ARHGDIB: variants seen among roughly 807,000 people sequenced by gnomAD.
The protein encoded by ARHGDIB is Rho GDP dissociation inhibitor beta, also known as rho GDP-dissociation inhibitor 2.
Under a neutral mutation model 22.6 loss-of-function variants are expected in ARHGDIB, and 20 were observed. That is an observed-to-expected ratio of 0.88 (90% confidence interval 0.62 to 1.28). The LOEUF is 1.28. Among genes scored for constraint, ARHGDIB ranks in the 50% most tolerant of loss-of-function variants. The pLI, the probability that ARHGDIB is intolerant of heterozygous loss-of-function variation, is 0.00. For synonymous variants in ARHGDIB, 114 were observed against 96.1 expected, an observed-to-expected ratio of 1.19 and a Z score of -1.09; for missense variants, 254 against 245.4, an observed-to-expected ratio of 1.04 and a Z score of -0.23.
At chr12:14,953,953 CT>C (rs1457437046) in intron 1 of ARHGDIB, among the ~76,000 whole-genome samples, 2,223 of 147,490 alleles carry the variant, frequency 0.015, 48 homozygotes, top group African/African-American at 0.051. Context: ...TTCCTTTCTT[CT>C]TTCCTTCCTT....
At position 14,944,740 on chromosome 12, in the gene ARHGDIB, C is replaced by A. The variant is rs770615788; in HGVS notation, c.406+36G>T. 6.3e-6 allele frequency: 10 copies of A among 1,584,890 alleles called. No individual in the cohort carries two copies. In the South Asian group the frequency reaches 1.1e-4, roughly 18 times the overall value. On this transcript the variant is annotated intron_variant, in intron 5 of 5. Transcript: ENST00000228945. ...CAGAAGTTAAAGTATCAATGAGAAG[C>A]AGTTTGGGACAGTGTGGAAATGTGG...
intron 1 of ARHGDIB, among the ~76,000 whole-genome samples, chr12:14,957,856 A>AGAGAAAGAG (rs72438024): frequency 0.25 from 37,516 of 151,458 alleles, 4,594 homozygotes; most frequent in African/African-American, 0.27. Context: ...AAAGAGGGAG[A>AGAGAAAGAG]GAGAAAGAGG....
chr12:14,947,990 G>C lies in ARHGDIB; in HGVS notation c.266-41C>G, dbSNP rs187079883. 40 of 1,525,632 alleles carry C rather than the reference G, an allele frequency of 2.6e-5. No individual in the cohort carries two copies. The Admixed American group carries it at 6.6e-4, about 25-fold the overall frequency. The allele number at this position is 1,525,632 out of a possible 1,614,324, so 94.5% of individuals were successfully genotyped here. On this transcript the variant is annotated intron_variant, in intron 3 of 5. Transcript: ENST00000228945. ...TAGAGAGAGTTTATCCTCAAAAGCA[G>C]ATACACAAGTTAATAAATGACTTTT...
chr12:14,952,760 T>C (rs546646271), intron 1 of ARHGDIB, among the ~76,000 whole-genome samples: 1 of 152,258 alleles, frequency 6.6e-6, no homozygotes, highest in Admixed American at 6.5e-5. Flanking sequence ...TGACCGAGCA[T>C]CGGAACAACG....
chr12:14,949,746 A>C (rs1315391962), intron 3 of ARHGDIB, 56 bp downstream of exon 3: 5 of 1,545,634 alleles, frequency 3.2e-6, no homozygotes, highest in African/African-American at 1.4e-5. Flanking sequence ...ACAGAGACCA[A>C]GTTTTCTTTG....
At chr12:14,942,018 CA>C (rs1443676426), downstream of ARHGDIB, 1 of 157,928 alleles carries the variant, frequency 6.3e-6, no homozygotes, top group Admixed American at 6.1e-5. Context: ...ATGAAGGTCT[CA>C]GCCAGAACAC....
In ARHGDIB at chr12:14,949,844, C is replaced by T; in HGVS notation, c.223G>A (p.Val75Ile). ...PNVVVTRLTLVCESAPGPITM... is the reference protein window; with the variant it reads ...PNVVVTRLTLICESAPGPITM... ...ATTGGTCCCGGGGCACTCTCACAAACCAGGGTGAGCCGGGTGACAACGACA... is the reference window on the plus strand; with the variant it reads ...ATTGGTCCCGGGGCACTCTCACAAATCAGGGTGAGCCGGGTGACAACGACA... The change falls in exon 3 of 6, where the codon GTT (valine) becomes ATT (isoleucine). Residue 75 changes from valine to isoleucine, a missense_variant. Physicochemically the swap from Val to Ile is conservative, Grantham distance 29 (BLOSUM62 3). Transcript: ENST00000228945. 1 of 1,613,752 alleles carries T rather than the reference C, an allele frequency of 6.2e-7. No homozygotes were observed.
chr12:14,957,819 C>T (rs570385990), intron 1 of ARHGDIB, among the ~76,000 whole-genome samples: 2 of 141,274 alleles, frequency 1.4e-5, no homozygotes, highest in South Asian at 2.2e-4. Context: ...GAAGAGATAG[C>T]GATGAGAGAG....
chr12:14,951,722 C>G (rs1385247893), intron 1 of ARHGDIB, among the ~76,000 whole-genome samples: 1 of 97,398 alleles, frequency 1.0e-5, no homozygotes, highest in Non-Finnish European at 2.5e-5. Context: ...GAAATCTAGG[C>G]AAGTTATTTA....
intron 2 of ARHGDIB, 118 bp downstream of exon 2, chr12:14,950,414 G>C (rs771299953): frequency 2.4e-6 from 2 of 833,492 alleles, no homozygotes; most frequent in Admixed American, 2.5e-5. Flanking sequence ...ATTGTGCCTC[G>C]CTCACTTTTT....
intron 1 of ARHGDIB, among the ~76,000 whole-genome samples, chr12:14,952,868 C>G (rs1864212033): frequency 6.6e-6 from 1 of 152,204 alleles, no homozygotes; most frequent in African/African-American, 2.4e-5. Flanking sequence ...ACCTGGCCAT[C>G]AGATGGTAAC....
chr12:14,954,169 G>C (rs187459513), intron 1 of ARHGDIB, among the ~76,000 whole-genome samples: 138 of 152,218 alleles, frequency 9.1e-4, no homozygotes, highest in African/African-American at 3.3e-3. Flanking sequence ...GGTTGAGATA[G>C]GGTTTCCCCA....
rs1445607970 is a variant in ARHGDIB, at chr12:14,942,544, A to T, written c.584T>A (p.Ile195Asn). The change falls in exon 6 of 6, where the codon ATT becomes AAT. Residue 195 changes from isoleucine to asparagine, a missense_variant. Coordinates refer to ENST00000228945, the MANE Select transcript of ARHGDIB (RefSeq NM_001175.7). Reference sequence around the variant, plus strand: ...CATTCATTCTGTCCACTCCTTCTTAATCGACAGGTTCCACTCCCAGCTGAG... The same window carrying T: ...CATTCATTCTGTCCACTCCTTCTTATTCGACAGGTTCCACTCCCAGCTGAG... ...DHLSWEWNLS[I>N]KKEWTE The T allele has an allele frequency of 2.4e-5, 38 of 1,614,090 alleles. No individual in the cohort carries two copies. Among genetic ancestry groups the T allele is most frequent in the Non-Finnish European group, 3.2e-5 (38 of 1,180,012 alleles).
rs1864150067 is a variant in ARHGDIB, at chr12:14,950,661, G to A, written c.52C>T (p.Leu18=). Residue 18 remains leucine, a synonymous_variant, in exon 2 of 6, where the codon CTG becomes TTG. Transcript: ENST00000228945. ...GGCTTATAATTGAGCTTGCTGTCCA[G>A]CTCATCATCGTCATCCTCCTCCACA... is the stretch of plus-strand genomic sequence containing the variant. The part of the protein sequence containing the change: ...PHVEEDDDDE[L]DSKLNYKPPP... 1 of 1,613,854 alleles carries A rather than the reference G, an allele frequency of 6.2e-7. No homozygotes were observed. Among genetic ancestry groups the A allele is most frequent in the South Asian group, 1.1e-5 (1 of 91,066 alleles).
rs1056801500 is a variant in ARHGDIB, at chr12:14,944,314, A to T, written c.406+462T>A. On this transcript the variant is annotated intron_variant, in intron 5 of 5. Coordinates refer to ENST00000228945, the MANE Select transcript of ARHGDIB (RefSeq NM_001175.7). ...TTTTTTTTTCTATTTCTTTGTTAGGAAATTGAGCATTGCCTCCCCCTTCCC... is the reference window on the plus strand; with the variant it reads ...TTTTTTTTTCTATTTCTTTGTTAGGTAATTGAGCATTGCCTCCCCCTTCCC... Among the ~76,000 whole-genome samples, 12 of 151,974 alleles carry T rather than the reference A, an allele frequency of 7.9e-5. No individual in the cohort carries two copies. The East Asian group carries it at 2.1e-3, about 27-fold the overall frequency.
intron 3 of ARHGDIB, among the ~76,000 whole-genome samples, 195 bp downstream of exon 3, chr12:14,949,607 A>C (rs1051257237): frequency 4.6e-5 from 7 of 152,230 alleles, no homozygotes; most frequent in African/African-American, 1.7e-4. Context: ...TCTTCAATTA[A>C]ATAGAGATAA....
chr12:14,954,498 A>G (rs1864256469), intron 1 of ARHGDIB, among the ~76,000 whole-genome samples: 1 of 152,160 alleles, frequency 6.6e-6, no homozygotes, highest in African/African-American at 2.4e-5. Context: ...GATTTTGGAT[A>G]ATGCTCTCTT....
intron 5 of ARHGDIB, among the ~76,000 whole-genome samples, chr12:14,943,204 A>AT (rs907002157): frequency 1.3e-5 from 2 of 152,096 alleles, no homozygotes; most frequent in Admixed American, 1.3e-4. Context: ...TCTTTAAAAC[A>AT]TTTTTTAAGT....
At chr12:14,947,585 A>C in intron 4 of ARHGDIB, 1 of 341,960 alleles carries the variant, frequency 2.9e-6, no homozygotes, top group Non-Finnish European at 5.4e-6. Flanking sequence ...AGGTGGTACA[A>C]CACAAAGCAG....
Sources: allele counts gnomAD v4.1 joint callset (sites outside exome capture counted in the v4.1 genomes callset), GRCh38; gene constraint gnomAD v4.1.1; transcripts MANE v1.5; gene names NCBI Gene and HGNC (gene_info 2026-07-23, HGNC 2026-07-21).